CERS2: variants seen among roughly 807,000 people sequenced by gnomAD.
The protein encoded by CERS2 is ceramide synthase 2, also known as LAG1 homolog, ceramide synthase 2.
CERS2 carries 20 observed loss-of-function variants against 56.6 expected under a neutral mutation model. The observed-to-expected ratio is 0.35, with a 90% CI of 0.25 to 0.51. The LOEUF is 0.51. Among genes scored for constraint, CERS2 ranks in the 20% least tolerant of loss-of-function variants. The pLI, the probability that CERS2 is intolerant of heterozygous loss-of-function variation, is 0.96. For missense variants in CERS2, 361 were observed against 488.6 expected (o/e 0.74, Z 2.46); for synonymous variants, 187 against 175.4 (o/e 1.07, Z -0.52).
intron 3 of CERS2, 34 bp downstream of exon 3, chr1:150,968,361 G>A: frequency 6.4e-7 from 1 of 1,566,840 alleles, no homozygotes. Context: ...CAAACTCAGT[G>A]ATTCCCAGAG....
rs1305458629 is a variant in CERS2, at chr1:150,968,133, G to A, written c.360C>T (p.Arg120=). 1.2e-6 allele frequency: 2 copies of A among 1,609,642 alleles called. No individual in the cohort carries two copies. Among genetic ancestry groups the A allele is most frequent in the Admixed American group, 1.7e-5 (1 of 59,998 alleles). ...GACTGGGCCGGTCCTGGTTGCGGCG[G>A]CGACGGAACCAACGCTCTACCTGGC... ...SGRQVERWFR[R]RRNQDRPSLL... The change falls in exon 4 of 11, where the codon CGC becomes CGT. Residue 120 remains arginine (R), a synonymous_variant. Coordinates refer to ENST00000368954, the MANE Select transcript of CERS2 (RefSeq NM_022075.5).
chr1:150,972,685 C>G (rs1331053288), intron 1 of CERS2, among the ~76,000 whole-genome samples: 3 of 152,268 alleles, frequency 2.0e-5, no homozygotes, highest in Admixed American at 2.0e-4. Flanking sequence ...TCTACGCTCT[C>G]TCTCACACAC....
At chr1:150,972,719 C>T (rs1671213068) in intron 1 of CERS2, among the ~76,000 whole-genome samples, 1 of 152,174 alleles carries the variant, frequency 6.6e-6, no homozygotes, top group South Asian at 2.1e-4. Flanking sequence ...GCACAGATGC[C>T]ACTTTCTGAG....
chr1:150,966,021 G>T lies in CERS2; in HGVS notation c.*127C>A, dbSNP rs1670999754. Reference sequence around the variant, plus strand: ...GGCAACTGGGTGACAAGCAAGGAGGGAGGATGCAGAGAACTCTCCTCTCAC... The same window carrying T: ...GGCAACTGGGTGACAAGCAAGGAGGTAGGATGCAGAGAACTCTCCTCTCAC... On this transcript the variant is annotated 3_prime_UTR_variant, in exon 11 of 11. Transcript: ENST00000368954. The T allele has an allele frequency of 1.0e-6, 1 of 982,538 alleles. No individual in the cohort carries two copies. The allele number at this position is 982,538 out of a possible 1,614,324, so 60.9% of individuals were successfully genotyped here. A position where few individuals can be genotyped will look rare whatever the true frequency, so the allele number is the denominator to read the frequency against.
At chr1:150,968,856 T>A in intron 2 of CERS2, 62 bp downstream of exon 2, 3 of 1,507,104 alleles carry the variant, frequency 2.0e-6, no homozygotes, top group Non-Finnish European at 2.7e-6. Context: ...GGAACAAACT[T>A]GAAGTCCAAG....
chr1:150,967,170 G>C lies in CERS2; in HGVS notation c.645C>G (p.Ala215=), dbSNP rs1293501897. 5 of 1,613,726 alleles carry C rather than the reference G, an allele frequency of 3.1e-6. No individual in the cohort carries two copies. Among genetic ancestry groups the C allele is most frequent in the Non-Finnish European group, 3.4e-6 (4 of 1,179,618 alleles). ...AGGAAAAGCTGATGAGAATGATGGTGGCCACATGGTGGATGATCTGTTCCT... is the reference window on the plus strand; with the variant it reads ...AGGAAAAGCTGATGAGAATGATGGTCGCCACATGGTGGATGATCTGTTCCT... ...DFKEQIIHHV[A]TIILISFSWF... The change falls in exon 8 of 11, where the codon GCC becomes GCG. Residue 215 remains alanine (A), a synonymous_variant. Coordinates refer to ENST00000368954, the MANE Select transcript of CERS2 (RefSeq NM_022075.5).
At chr1:150,967,611 C>T in intron 6 of CERS2, 53 bp downstream of exon 6, 1 of 1,531,202 alleles carries the variant, frequency 6.5e-7, no homozygotes, top group South Asian at 1.1e-5. Flanking sequence ...CAAACCGTCT[C>T]TTCACTAGGG....
At chr1:150,970,447 G>C (rs997057987) in intron 1 of CERS2, among the ~76,000 whole-genome samples, 9 of 152,204 alleles carry the variant, frequency 5.9e-5, no homozygotes, top group African/African-American at 2.2e-4. Flanking sequence ...TGTGGGGCAG[G>C]GAACCAAGAG....
intron 9 of CERS2, 50 bp from the exon 10 acceptor site, chr1:150,966,679 G>C (rs1321548580): frequency 1.2e-6 from 2 of 1,607,472 alleles, no homozygotes; most frequent in Non-Finnish European, 1.7e-6. Flanking sequence ...GTCAGACACC[G>C]GGGAGATACA....
At chr1:150,967,791 A>G (rs1186680125) in intron 5 of CERS2, 29 bp downstream of exon 5, 1 of 1,610,008 alleles carries the variant, frequency 6.2e-7, no homozygotes, top group African/African-American at 1.3e-5. Flanking sequence ...CAGAGAACCT[A>G]CTCCCACCTC....
Position 150,966,606 on chromosome 1 carries a change from T to A in CERS2, c.872A>T (p.Tyr291Phe), listed in dbSNP as rs1671024244. ...PFWILHCTLV[Y>F]PLELYPAFFG... ...GAAGGCAGGATAGAGCTCCAGTGGG[T>A]ACACCAGGGTGCAATGCAGGATCCT... The change falls in exon 10 of 11, where the codon TAC becomes TTC. Residue 291 changes from tyrosine to phenylalanine, a missense_variant. Tyr to Phe is a conservative substitution (Grantham distance 22). This residue lies in a region of CERS2 where 122 missense variants were observed against 151.9 expected (regional missense o/e 0.80). Coordinates refer to ENST00000368954, the MANE Select transcript of CERS2 (RefSeq NM_022075.5). The A allele has an allele frequency of 3.1e-6, 5 of 1,613,846 alleles. No individual in the cohort carries two copies. The highest frequency in any genetic ancestry group is 4.2e-6 in the Non-Finnish European group (5 of 1,179,978).
At chr1:150,967,581 T>A in intron 6 of CERS2, 83 bp downstream of exon 6, 2 of 1,451,836 alleles carry the variant, frequency 1.4e-6, no homozygotes, top group Non-Finnish European at 1.9e-6. Flanking sequence ...ATCACTCTAA[T>A]CCCTCTGCCA....
In CERS2 at chr1:150,966,486, A is replaced by G. The variant is rs746824537; in HGVS notation, c.992T>C (p.Ile331Thr). The change falls in exon 10 of 11, where the codon ATA (isoleucine) becomes ACA (threonine). Residue 331 changes from isoleucine to threonine, a missense_variant. Physicochemically the swap from Ile to Thr is moderately conservative, Grantham distance 89. Transcript: ENST00000368954. ...GGAACAGGGCTTCACCTTTCCAGTT[A>G]TGAACTTGTGGGCCATGCGCAAAAT... ...YLILRMAHKF[I>T]TGKLVEDERS... The G allele has an allele frequency of 2.5e-6, 4 of 1,614,056 alleles. No individual in the cohort carries two copies. Among genetic ancestry groups the G allele is most frequent in the East Asian group, 2.2e-5 (1 of 44,896 alleles).
At chr1:150,974,561 C>T (rs1328811122) in intron 1 of CERS2, 58 bp downstream of exon 1, 1 of 149,384 alleles carries the variant, frequency 6.7e-6, no homozygotes, top group East Asian at 2.0e-4. Flanking sequence ...CCAACTTTTC[C>T]GCAGCCCCTT....
Position 150,967,395 on chromosome 1 carries a change from T to A in CERS2, c.609A>T (p.Arg203=), listed in dbSNP as rs587636291. Residue 203 remains arginine, a synonymous_variant, in exon 7 of 11, where the codon CGA becomes CGT. Transcript: ENST00000368954. ...LLFSIASDVK[R]KDFKEQIIHH... ...ATTGCACAACCCCTTCACCCACCTT[T>A]CGCTTGACATCAGAGGCAATGCTGA... The A allele has an allele frequency of 6.3e-7, 1 of 1,590,880 alleles. No individual in the cohort carries two copies. The highest frequency in any genetic ancestry group is 2.2e-5 in the East Asian group (1 of 44,758).
rs772147627 is a variant in CERS2, at chr1:150,966,462, G to T, written c.1002+14C>A. The T allele has an allele frequency of 6.2e-7, 1 of 1,614,000 alleles. No individual in the cohort carries two copies. The highest frequency in any genetic ancestry group is 8.5e-7 in the Non-Finnish European group (1 of 1,179,962). The stretch of plus-strand genomic sequence containing the variant: ...GAGAGTAGTAAGGCCTACACAATGG[G>T]AACAGGGCTTCACCTTTCCAGTTAT... On this transcript the variant is annotated intron_variant, in intron 10 of 10. Transcript: ENST00000368954.
At chr1:150,972,681 C>A (rs1427733701) in intron 1 of CERS2, among the ~76,000 whole-genome samples, 3 of 152,250 alleles carry the variant, frequency 2.0e-5, no homozygotes, top group African/African-American at 7.2e-5. Flanking sequence ...TCTGTCTACG[C>A]TCTCTCTCAC....
At position 150,968,996 on chromosome 1, in the gene CERS2, A is replaced by T. The variant is rs775469750; in HGVS notation, c.95T>A (p.Val32Asp). ...WADLEDRDGR[V>D]YAKASDLYIT... Reference sequence around the variant, plus strand: ...ATAGAGATCTGAGGCTTTGGCGTAGACACGTCCATCTCGGTCTTCTAGATC... The same window carrying T: ...ATAGAGATCTGAGGCTTTGGCGTAGTCACGTCCATCTCGGTCTTCTAGATC... Residue 32 changes from valine to aspartate, a missense_variant, in exon 2 of 11, where the codon GTC becomes GAC. Transcript: ENST00000368954. 6.2e-7 allele frequency: 1 copy of T among 1,614,156 alleles called. No homozygotes were observed. Among genetic ancestry groups the T allele is most frequent in the Non-Finnish European group, 8.5e-7 (1 of 1,180,014 alleles).
In CERS2 at chr1:150,966,264, G is replaced by C; in HGVS notation, c.1027C>G (p.Arg343Gly). 6.2e-7 allele frequency: 1 copy of C among 1,611,000 alleles called. No individual in the cohort carries two copies. Among genetic ancestry groups the C allele is most frequent in the Non-Finnish European group, 8.5e-7 (1 of 1,179,158 alleles). ...GKLVEDERSD[R>G]EETESSEGEE... ...CCCTCTGAGCTCTCTGTTTCTTCCCGGTCACTGCGTTCATCTTCTACCAGC... is the reference window on the plus strand; with the variant it reads ...CCCTCTGAGCTCTCTGTTTCTTCCCCGTCACTGCGTTCATCTTCTACCAGC... Residue 343 changes from arginine to glycine, a missense_variant, in exon 11 of 11, where the codon CGG (arginine) becomes GGG (glycine). By Grantham distance (125) the Arg-to-Gly change is moderately radical. Coordinates refer to ENST00000368954, the MANE Select transcript of CERS2 (RefSeq NM_022075.5).
Sources: gnomAD v4.1 joint callset for allele counts (sites outside exome capture counted in the v4.1 genomes callset) on GRCh38, gnomAD v4.1.1 for gene constraint, gnomAD v4.1.1 regional missense constraint, MANE v1.5 for transcripts, NCBI Gene and HGNC (gene_info 2026-07-23, HGNC 2026-07-21) for gene names.